Variants in CDKAL1 observed in about 807,000 individuals in gnomAD.
CDKAL1 encodes the protein CDKAL1 threonylcarbamoyladenosine tRNA methylthiotransferase.
CDKAL1 carries 32 observed loss-of-function variants against 68.2 expected under a neutral mutation model. The ratio of observed to expected loss-of-function variants is 0.47; its 90% CI spans 0.35 to 0.63. The LOEUF is 0.63. Ranked by LOEUF, CDKAL1 falls within the 30% of genes least tolerant of loss-of-function variation. CDKAL1 has a pLI of 0.00. For synonymous variants in CDKAL1, 234 were observed against 244.3 expected, an observed-to-expected ratio of 0.96 and a Z score of 0.39; for missense variants, 606 against 696.7, an observed-to-expected ratio of 0.87 and a Z score of 1.47.
At chr6:20,538,354 A>G (rs1763260004) in intron 2 of CDKAL1, among the ~76,000 whole-genome samples, 1 of 151,008 alleles carries the variant, frequency 6.6e-6, no homozygotes, top group African/African-American at 2.4e-5. Flanking sequence ...CATTGTTTGT[A>G]CTTTGCCAGT....
intron 13 of CDKAL1, among the ~76,000 whole-genome samples, chr6:21,167,540 T>A (rs1777201873): frequency 6.6e-6 from 1 of 152,238 alleles, no homozygotes; most frequent in African/African-American, 2.4e-5. Flanking sequence ...GGACCTACTG[T>A]GGTCAAGAAT....
chr6:20,937,971 C>T (rs1763799584), intron 9 of CDKAL1, among the ~76,000 whole-genome samples: 1 of 151,904 alleles, frequency 6.6e-6, no homozygotes, highest in South Asian at 2.1e-4. Flanking sequence ...TGATCCTTGC[C>T]TCTGACAATT....
At chr6:20,693,123 C>G (rs1770945626) in intron 5 of CDKAL1, among the ~76,000 whole-genome samples, 1 of 96,514 alleles carries the variant, frequency 1.0e-5, no homozygotes, top group Non-Finnish European at 1.8e-5. Context: ...AAGCGAGACT[C>G]TGTCTCAAAA....
intron 11 of CDKAL1, among the ~76,000 whole-genome samples, chr6:21,048,487 G>T (rs1026376213): frequency 7.9e-5 from 12 of 151,922 alleles, no homozygotes; most frequent in African/African-American, 2.2e-4. Context: ...TCACTTGCTT[G>T]CTCTGTGTAT....
chr6:20,877,126 A>G (rs532006525), intron 9 of CDKAL1, among the ~76,000 whole-genome samples: 1 of 152,332 alleles, frequency 6.6e-6, no homozygotes, highest in South Asian at 2.1e-4. Flanking sequence ...ATCAATAAGC[A>G]TTTACATTGT....
chr6:20,642,004 C>A (rs1199812516), intron 4 of CDKAL1, among the ~76,000 whole-genome samples: 1 of 152,162 alleles, frequency 6.6e-6, no homozygotes, highest in African/African-American at 2.4e-5. Context: ...TTTTCCCATT[C>A]TTTTGCTTGC....
intron 8 of CDKAL1, among the ~76,000 whole-genome samples, chr6:20,791,994 A>C (rs1174886697): frequency 2.6e-5 from 4 of 151,932 alleles, no homozygotes; most frequent in Non-Finnish European, 5.9e-5. Context: ...AAAAAAAAAA[A>C]CCCTGAAACT....
At chr6:20,842,056 C>T (rs1778194007) in intron 8 of CDKAL1, among the ~76,000 whole-genome samples, 1 of 152,166 alleles carries the variant, frequency 6.6e-6, no homozygotes, top group South Asian at 2.1e-4. Flanking sequence ...TGTTCTTTCT[C>T]CTAGACAATT....
intron 10 of CDKAL1, among the ~76,000 whole-genome samples, chr6:20,998,837 A>T (rs911073489): frequency 2.6e-5 from 4 of 152,236 alleles, no homozygotes; most frequent in African/African-American, 9.6e-5. Context: ...TGTATTTGAT[A>T]ATCTTAGTGA....
chr6:21,077,580 G>A (rs946847281), intron 12 of CDKAL1, among the ~76,000 whole-genome samples: 2 of 152,202 alleles, frequency 1.3e-5, no homozygotes, highest in Admixed American at 6.5e-5. Context: ...AGGCAAAGGG[G>A]AAGCAGGTAC....
At chr6:20,870,155 C>T (rs1378076534) in intron 9 of CDKAL1, among the ~76,000 whole-genome samples, 1 of 152,132 alleles carries the variant, frequency 6.6e-6, no homozygotes, top group African/African-American at 2.4e-5. Flanking sequence ...ATGAATGCTC[C>T]CTGTGATGCC....
chr6:21,035,015 T>C (rs115555187), intron 11 of CDKAL1, among the ~76,000 whole-genome samples: 9 of 152,086 alleles, frequency 5.9e-5, no homozygotes, highest in African/African-American at 2.2e-4. Context: ...GAAGAGATAA[T>C]TTTTTTCCTG....
At chr6:20,643,952 G>T (rs6932676) in intron 4 of CDKAL1, among the ~76,000 whole-genome samples, 34,281 of 151,868 alleles carry the variant, frequency 0.23, 4,200 homozygotes, top group African/African-American at 0.28. Context: ...AGCCTCCTGA[G>T]TAGCTGGGAC....
At chr6:20,838,065 C>A (rs7749034) in intron 8 of CDKAL1, among the ~76,000 whole-genome samples, 3 of 148,438 alleles carry the variant, frequency 2.0e-5, no homozygotes, top group South Asian at 2.2e-4. Context: ...TGTATACATC[C>A]ATTTTTATAG....
chr6:20,784,596 T>C (rs1194143689), intron 8 of CDKAL1, among the ~76,000 whole-genome samples: 1 of 151,650 alleles, frequency 6.6e-6, no homozygotes, highest in East Asian at 1.9e-4. Context: ...AGCTAGCTTT[T>C]GTATTTTTAG....
intron 11 of CDKAL1, among the ~76,000 whole-genome samples, chr6:21,002,413 G>C (rs1303246207): frequency 1.3e-5 from 2 of 152,058 alleles, no homozygotes; most frequent in Non-Finnish European, 2.9e-5. Flanking sequence ...CCCATATATA[G>C]TTTCAGTTTC....
At chr6:20,797,355 A>T (rs1333401220) in intron 8 of CDKAL1, among the ~76,000 whole-genome samples, 1 of 152,206 alleles carries the variant, frequency 6.6e-6, no homozygotes, top group Non-Finnish European at 1.5e-5. Flanking sequence ...CAGGTACTGG[A>T]GAGGATGTAG....
chr6:21,192,518 C>T (rs1006236672), intron 13 of CDKAL1, among the ~76,000 whole-genome samples: 1 of 152,154 alleles, frequency 6.6e-6, no homozygotes, highest in African/African-American at 2.4e-5. Context: ...AAGGAATAAG[C>T]TCTGAAGGTA....
intron 11 of CDKAL1, among the ~76,000 whole-genome samples, chr6:21,008,879 A>G (rs974462202): frequency 6.6e-6 from 1 of 152,204 alleles, no homozygotes; most frequent in African/African-American, 2.4e-5. Flanking sequence ...CTCTTTTCGT[A>G]GACAAGAAAA....
Sources: allele counts gnomAD v4.1 joint callset (sites outside exome capture counted in the v4.1 genomes callset), GRCh38; gene constraint gnomAD v4.1.1; transcripts MANE v1.5; gene names NCBI Gene and HGNC (gene_info 2026-07-23, HGNC 2026-07-21).